WHRN: variants seen among roughly 807,000 people sequenced by gnomAD.
WHRN encodes the protein CASK-interacting protein CIP98.
In WHRN, 41 loss-of-function variants were observed where a neutral mutation model predicts 68.3. The ratio of observed to expected loss-of-function variants is 0.60; its 90% CI spans 0.47 to 0.78. The LOEUF is 0.78. Among genes scored for constraint, WHRN ranks in the 30% least tolerant of loss-of-function variants. The probability of loss-of-function intolerance (pLI) is 0.00; values close to 1 mark genes in which losing one functional copy is unlikely to be tolerated. For missense variants in WHRN, 1,243 were observed against 1,244.7 expected, an observed-to-expected ratio of 1.00 and a Z score of 0.02; for synonymous variants, 560 against 561.3, an observed-to-expected ratio of 1.00 and a Z score of 0.03.
intron 1 of WHRN, among the ~76,000 whole-genome samples, chr9:114,502,383 T>C (rs1027723670): frequency 1.3e-5 from 2 of 152,106 alleles, no homozygotes; most frequent in Non-Finnish European, 2.9e-5. Context: ...AACTATGACA[T>C]GGAGAGTTTA....
At chr9:114,473,521 C>G (rs1416587735) in intron 2 of WHRN, among the ~76,000 whole-genome samples, 1 of 152,228 alleles carries the variant, frequency 6.6e-6, no homozygotes, top group Non-Finnish European at 1.5e-5. Context: ...ATTTTCATCT[C>G]TGGAAAATCG....
At chr9:114,406,321 C>T (rs759473159) in intron 9 of WHRN, 34 bp downstream of exon 9, 51 of 1,613,188 alleles carry the variant, frequency 3.2e-5, no homozygotes, top group Non-Finnish European at 4.3e-5. Context: ...CAGGGACCCC[C>T]AAGGACCACA....
At chr9:114,473,180 G>C (rs1841382911) in intron 2 of WHRN, among the ~76,000 whole-genome samples, 4 of 152,254 alleles carry the variant, frequency 2.6e-5, no homozygotes, top group Admixed American at 1.3e-4. Flanking sequence ...AGTGGAATAA[G>C]ACTTAGGAAG....
intron 3 of WHRN, among the ~76,000 whole-genome samples, chr9:114,445,137 G>A (rs1246227247): frequency 2.0e-5 from 3 of 152,114 alleles, no homozygotes; most frequent in African/African-American, 7.2e-5. Flanking sequence ...CACTTCTTGG[G>A]TTCAAGCGAT....
chr9:114,447,560 TC>T (rs1589154717), intron 3 of WHRN, among the ~76,000 whole-genome samples: 1 of 152,164 alleles, frequency 6.6e-6, no homozygotes, highest in East Asian at 1.9e-4. Flanking sequence ...TCCTCCCTCT[TC>T]CTCACTAGAC....
chr9:114,402,490 T>C lies in WHRN; in HGVS notation c.*264A>G. The C allele has an allele frequency of 1.9e-6, 1 of 537,114 alleles. No individual in the cohort carries two copies. The highest frequency in any genetic ancestry group is 2.1e-5 in the South Asian group (1 of 48,680). The allele number at this position is 537,114 out of a possible 1,614,324, so 33.3% of individuals were successfully genotyped here. On this transcript the variant is annotated 3_prime_UTR_variant, in exon 12 of 12. Coordinates refer to ENST00000362057, the MANE Select transcript of WHRN (RefSeq NM_015404.4). ...ACCAGCACTCTGCCCTTCCTTTTCCTTTCTTCCTGTCTTGCAACCCACTTG... is the reference window on the plus strand; with the variant it reads ...ACCAGCACTCTGCCCTTCCTTTTCCCTTCTTCCTGTCTTGCAACCCACTTG...
chr9:114,485,843 A>AT (rs1437604667), intron 1 of WHRN, among the ~76,000 whole-genome samples: 21 of 151,344 alleles, frequency 1.4e-4, no homozygotes, highest in African/African-American at 3.6e-4. Flanking sequence ...CACAAAAAAA[A>AT]TTTTTTTTTT....
intron 3 of WHRN, among the ~76,000 whole-genome samples, chr9:114,441,624 T>C (rs1433378646): frequency 6.6e-6 from 1 of 152,222 alleles, no homozygotes; most frequent in East Asian, 1.9e-4. Context: ...GAAGCCAGGC[T>C]GAAGGCTCTG....
rs987610202 is a variant in WHRN at position 114,457,066 on chromosome 9, T to C, written c.963+9201A>G. Among the ~76,000 whole-genome samples the C allele has an allele frequency of 2.0e-5, 3 of 152,168 alleles. No individual in the cohort carries two copies. In the East Asian group the frequency reaches 5.8e-4, roughly 29 times the overall value. ...ATGTATATACACAGAGATGAATACA[T>C]ACAGATACGGGTATGTGTGCATGCA... On this transcript the variant is annotated intron_variant, in intron 3 of 11. Transcript: ENST00000362057.
At chr9:114,431,514 G>GCCT (rs1837423098) in intron 3 of WHRN, among the ~76,000 whole-genome samples, 2 of 152,328 alleles carry the variant, frequency 1.3e-5, no homozygotes, top group South Asian at 4.1e-4. Flanking sequence ...GCACTGGCAT[G>GCCT]CGGGAGATGC....
At chr9:114,457,851 G>A (rs1471069199) in intron 3 of WHRN, among the ~76,000 whole-genome samples, 3 of 151,134 alleles carry the variant, frequency 2.0e-5, no homozygotes, top group Non-Finnish European at 4.4e-5. Flanking sequence ...AGGAGGCAGA[G>A]GTTGCAGTGA....
rs964324992 is a variant in WHRN at position 114,499,678 on chromosome 9, G to A, written c.618+4506C>T. Among the ~76,000 whole-genome samples the A allele has an allele frequency of 7.9e-5, 12 of 152,362 alleles. No homozygotes were observed. The South Asian group carries it at 2.5e-3, about 32-fold the overall frequency. ...TTCAAGCTTGAGCAGTCAGGCACAT[G>A]AGCGAGGGGCTGCAGGCACTGACAG... On this transcript the variant is annotated intron_variant, in intron 1 of 11. Coordinates refer to ENST00000362057, the MANE Select transcript of WHRN (RefSeq NM_015404.4).
intron 3 of WHRN, among the ~76,000 whole-genome samples, chr9:114,456,314 G>A (rs1421840290): frequency 2.0e-5 from 3 of 152,070 alleles, no homozygotes; most frequent in South Asian, 2.1e-4. Flanking sequence ...GGCACGTGTC[G>A]GGCACAGGGA....
intron 7 of WHRN, among the ~76,000 whole-genome samples, chr9:114,420,646 G>A (rs1836203508): frequency 6.6e-6 from 1 of 152,094 alleles, no homozygotes; most frequent in Non-Finnish European, 1.5e-5. Context: ...TCAGGGGGGC[G>A]GTGGCAGTCC....
At chr9:114,408,725 C>T (rs1400306126) in intron 7 of WHRN, among the ~76,000 whole-genome samples, 1 of 152,226 alleles carries the variant, frequency 6.6e-6, no homozygotes, top group Non-Finnish European at 1.5e-5. Flanking sequence ...ATTAGCTTCG[C>T]GTGTCAACTT....
chr9:114,433,820 C>G (rs2132498565), intron 3 of WHRN, among the ~76,000 whole-genome samples: 1 of 152,212 alleles, frequency 6.6e-6, no homozygotes, highest in East Asian at 1.9e-4. Context: ...CAGAACCTAA[C>G]CAGAAATGCT....
chr9:114,430,119 C>A lies in WHRN; in HGVS notation c.964-3706G>T, dbSNP rs562648953. Reference sequence around the variant, plus strand: ...CATCCCTGCAGTTTAGTTAAAGGAACGGGCATCCAAGAGACCAGCTACGGA... The same window carrying A: ...CATCCCTGCAGTTTAGTTAAAGGAAAGGGCATCCAAGAGACCAGCTACGGA... On this transcript the variant is annotated intron_variant, in intron 3 of 11. Coordinates refer to ENST00000362057, the MANE Select transcript of WHRN (RefSeq NM_015404.4). Among the ~76,000 whole-genome samples, 4 of 152,270 alleles carry A rather than the reference C, an allele frequency of 2.6e-5. No individual in the cohort carries two copies. In the South Asian group the frequency reaches 8.3e-4, roughly 32 times the overall value.
chr9:114,406,471 G>C lies in WHRN; in HGVS notation c.2120C>G (p.Ser707Ter), dbSNP rs1323784936. The change falls in exon 9 of 12, where the codon TCA (serine) becomes TGA (stop). Residue 707 changes from serine (S) to a stop codon, truncating the protein, a stop_gained. Transcript: ENST00000362057. LOFTEE classifies it high-confidence loss of function. ...TGTCTGGTCTGGGTGGCCAGAGGGT[G>C]ATGGGGGCAGAAGGCAGCCCCCAGC... is the stretch of plus-strand genomic sequence containing the variant. Reference protein sequence around the residue: ...TVAGGCLLPPSPSGHPDQTGT... With the variant: ...TVAGGCLLPP 2 of 1,614,064 alleles carry C rather than the reference G, an allele frequency of 1.2e-6. No individual in the cohort carries two copies. The highest frequency in any genetic ancestry group is 2.7e-5 in the African/African-American group (2 of 74,956).
In WHRN at chr9:114,418,616, G is replaced by A. The variant is rs10982206; in HGVS notation, c.1626+4698C>T. ...CAAAGTCCTCAGCATGTCTGCCCCC[G>A]TACTCCCTCTGCTCTGGCCTTATTG... On this transcript the variant is annotated intron_variant, in intron 7 of 11. Coordinates refer to ENST00000362057, the MANE Select transcript of WHRN (RefSeq NM_015404.4). 1.4e-3 allele frequency among the ~76,000 whole-genome samples: 207 copies of A among 152,262 alleles called. 2 individuals are homozygous for A. The East Asian group carries it at 0.037, about 27-fold the overall frequency.
Sources: allele counts gnomAD v4.1 joint callset (sites outside exome capture counted in the v4.1 genomes callset), GRCh38; gene constraint gnomAD v4.1.1; transcripts MANE v1.5; gene names NCBI Gene and HGNC (gene_info 2026-07-23, HGNC 2026-07-21).